Variants in CUX1 observed in about 807,000 individuals in gnomAD.
CUX1 encodes cut like homeobox 1.
CUX1 carries 31 observed loss-of-function variants against 158.8 expected under a neutral mutation model. That is an observed-to-expected ratio of 0.20 (90% CI 0.15 to 0.26). CUX1 has a LOEUF of 0.26. CUX1 is among the 10% of genes least tolerant of loss of function. The pLI is 1.00. For synonymous variants in CUX1, 879 were observed against 862.1 expected (o/e 1.02, Z -0.34); for missense variants, 1,589 against 2,014.6 (o/e 0.79, Z 4.04).
chr7:101,994,261 C>T (rs1182247800), intron 2 of CUX1, among the ~76,000 whole-genome samples: 1 of 152,230 alleles, frequency 6.6e-6, no homozygotes, highest in Non-Finnish European at 1.5e-5. Context: ...CTTGGACATT[C>T]ATTTCTTTGG....
intron 23 of CUX1, among the ~76,000 whole-genome samples, chr7:102,241,072 G>A (rs941693488): frequency 4.6e-5 from 7 of 151,972 alleles, no homozygotes; most frequent in Admixed American, 1.3e-4. Flanking sequence ...CGCCTGCCTC[G>A]GCCTCCCAAA....
chr7:102,190,036 C>G (rs1315185422), intron 12 of CUX1, among the ~76,000 whole-genome samples, 165 bp downstream of exon 12: 1 of 152,252 alleles, frequency 6.6e-6, no homozygotes, highest in Non-Finnish European at 1.5e-5. Context: ...CCTGGGCTAC[C>G]CACCACTGTG....
intron 4 of CUX1, among the ~76,000 whole-genome samples, chr7:102,092,159 A>C (rs781959962): frequency 6.6e-6 from 1 of 152,078 alleles, no homozygotes; most frequent in African/African-American, 2.4e-5. Context: ...TTCTTTTTAT[A>C]TCTTCTTTTT....
At chr7:102,115,392 C>G in intron 8 of CUX1, 119 bp downstream of exon 8, 1 of 812,344 alleles carries the variant, frequency 1.2e-6, no homozygotes, top group Non-Finnish European at 2.0e-6. Flanking sequence ...CAGTGTATTT[C>G]CCATGAGTTA....
At chr7:102,121,845 G>A (rs975759517) in intron 8 of CUX1, among the ~76,000 whole-genome samples, 2 of 152,046 alleles carry the variant, frequency 1.3e-5, no homozygotes, top group East Asian at 1.9e-4. Flanking sequence ...AGACCACGGC[G>A]GTCTTCAAAG....
chr7:102,046,702 G>C (rs934664083), intron 3 of CUX1, among the ~76,000 whole-genome samples: 2 of 151,100 alleles, frequency 1.3e-5, no homozygotes, highest in African/African-American at 4.9e-5. Flanking sequence ...TCAGCCTCCT[G>C]AGTGGCTGGG....
chr7:102,210,229 T>G (rs1472970652), intron 20 of CUX1, among the ~76,000 whole-genome samples: 3 of 152,166 alleles, frequency 2.0e-5, no homozygotes, highest in African/African-American at 7.2e-5. Context: ...CCCAAGTAGC[T>G]GGGATTACAG....
At position 102,030,136 on chromosome 7, in the gene CUX1, C is replaced by A. The variant is rs545618972; in HGVS notation, c.189+1991C>A. On this transcript the variant is annotated intron_variant, in intron 3 of 23. Transcript: ENST00000292535. The stretch of plus-strand genomic sequence containing the variant: ...AAGCAATTCTCCTGCCTCAGCCTCC[C>A]AAGTAGCTGGGATTACAGGCATGTG... Among the ~76,000 whole-genome samples the A allele has an allele frequency of 2.8e-3, 424 of 152,202 alleles. 2 individuals carry two copies. The highest frequency in any genetic ancestry group is 9.9e-3 in the African/African-American group (410 of 41,530).
rs1412752310 is a variant in CUX1 at position 101,825,792 on chromosome 7, TGTGTGTGCGCGC to T, written c.30+8125_30+8136del. ...GTGTGTGTGTGTGTGTGTGTGTGTG[TGTGTGTGCGCGC>T]GCGCGCGCAGTTAGTCTTCGGGGCT... On this transcript the variant is annotated intron_variant, in intron 1 of 23. Coordinates refer to ENST00000292535, the MANE Select transcript of CUX1 (RefSeq NM_181552.4). Among the ~76,000 whole-genome samples the T allele has an allele frequency of 3.9e-3, 433 of 110,594 alleles. 2 individuals are homozygous for T. Among genetic ancestry groups the T allele is most frequent in the African/African-American group, 0.018 (399 of 22,308 alleles). The allele number at this position is 110,594 out of a possible 152,430, so 72.6% of individuals were successfully genotyped here.
chr7:102,255,062 A>T lies in CUX1; in HGVS notation c.*6020A>T, dbSNP rs1158511188. The stretch of plus-strand genomic sequence containing the variant: ...GGGGGCAGAGCGTAAAACAAGCCCC[A>T]GCCCTACTCCCGGCCCCCCAGCCCA... On this transcript the variant is annotated 3_prime_UTR_variant, in exon 24 of 24. Coordinates refer to ENST00000292535, the MANE Select transcript of CUX1 (RefSeq NM_181552.4). 1 of 985,354 alleles carries T rather than the reference A, an allele frequency of 1.0e-6. No individual in the cohort carries two copies. Among genetic ancestry groups the T allele is most frequent in the Non-Finnish European group, 1.2e-6 (1 of 830,024 alleles). 61.0% of individuals were successfully genotyped at this position (985,354 alleles called of 1,614,324 possible). A position where few individuals can be genotyped will look rare whatever the true frequency, so the allele number is the denominator to read the frequency against.
chr7:102,168,561 T>C (rs1039546670), intron 9 of CUX1, among the ~76,000 whole-genome samples: 1 of 149,540 alleles, frequency 6.7e-6, no homozygotes. Flanking sequence ...GGAGAATCGC[T>C]TGAACCCAGG....
At chr7:102,138,762 C>T (rs1357663434) in intron 8 of CUX1, among the ~76,000 whole-genome samples, 1 of 152,136 alleles carries the variant, frequency 6.6e-6, no homozygotes, top group Non-Finnish European at 1.5e-5. Flanking sequence ...TACAAAGCAG[C>T]TGCTGTTTAG....
intron 23 of CUX1, 38 bp downstream of exon 23, chr7:102,239,622 A>G: frequency 6.3e-7 from 1 of 1,591,958 alleles, no homozygotes; most frequent in Non-Finnish European, 8.6e-7. Flanking sequence ...CGGTCGGCCC[A>G]GGGGAAGGGG....
chr7:101,993,621 A>G (rs1815434738), intron 2 of CUX1, among the ~76,000 whole-genome samples: 2 of 152,184 alleles, frequency 1.3e-5, no homozygotes, highest in African/African-American at 2.4e-5. Flanking sequence ...TCCTCTACAC[A>G]TGTATGGCAG....
chr7:102,141,696 C>G (rs1658992620), intron 8 of CUX1, among the ~76,000 whole-genome samples: 1 of 151,972 alleles, frequency 6.6e-6, no homozygotes, highest in African/African-American at 2.4e-5. Flanking sequence ...AATCTTGGCT[C>G]ACTTCAACCT....
In CUX1 at chr7:101,887,842, CATTTTTTTTTTT is replaced by C. The variant is rs1445914082; in HGVS notation, c.31-28272_31-28261del. On this transcript the variant is annotated intron_variant, in intron 1 of 23. Transcript: ENST00000292535. Reference sequence around the variant, plus strand: ...CCACTGGATCTGGTGATGACGGTGACATTTTTTTTTTTTTTTTTTTTTGTTTAGAAGCTTATG... The same window carrying C: ...CCACTGGATCTGGTGATGACGGTGACTTTTTTTTTTGTTTAGAAGCTTATG... 5.9e-5 allele frequency among the ~76,000 whole-genome samples: 8 copies of C among 135,070 alleles called. No individual in the cohort carries two copies. The South Asian group carries it at 1.4e-3, about 24-fold the overall frequency. 88.6% of individuals were successfully genotyped at this position (135,070 alleles called of 152,430 possible).
intron 11 of CUX1, among the ~76,000 whole-genome samples, chr7:102,187,734 C>T (rs906948418): frequency 8.0e-5 from 12 of 150,910 alleles, no homozygotes; most frequent in South Asian, 2.1e-4. Context: ...TGGTCTCAAT[C>T]TCCTGACCTC....
rs1225803630 is a variant in CUX1 at position 102,252,272 on chromosome 7, A to G, written c.*3230A>G. 1.0e-6 allele frequency: 1 copy of G among 985,314 alleles called. No homozygotes were observed. The highest frequency in any genetic ancestry group is 6.1e-5 in the Admixed American group (1 of 16,270). 61.0% of individuals were successfully genotyped at this position (985,314 alleles called of 1,614,324 possible). A position where few individuals can be genotyped will look rare whatever the true frequency, so the allele number is the denominator to read the frequency against. On this transcript the variant is annotated 3_prime_UTR_variant, in exon 24 of 24. Coordinates refer to ENST00000292535, the MANE Select transcript of CUX1 (RefSeq NM_181552.4). ...TGGTTGGGCCCCTCAGTTGGAGTCT[A>G]AGGGTTAATCTCTCATCTTGCTAAG...
intron 2 of CUX1, among the ~76,000 whole-genome samples, chr7:102,014,225 T>G (rs1158397546): frequency 6.6e-6 from 1 of 152,108 alleles, no homozygotes; most frequent in Non-Finnish European, 1.5e-5. Flanking sequence ...GACACACCTT[T>G]TAGAAGCTAC....
Sources: gnomAD v4.1 joint callset for allele counts (sites outside exome capture counted in the v4.1 genomes callset) on GRCh38, gnomAD v4.1.1 for gene constraint, MANE v1.5 for transcripts, NCBI Gene and HGNC (gene_info 2026-07-23, HGNC 2026-07-21) for gene names.